The following TMEM163 variants were observed in gnomAD, a reference collection of about 807,000 sequenced individuals.
TMEM163 encodes the protein transmembrane protein 163.
A neutral mutation model predicts 29.3 loss-of-function variants in TMEM163; 17 were observed. That is an observed-to-expected ratio of 0.58 (90% CI 0.40 to 0.87). The LOEUF (loss-of-function observed/expected upper bound fraction) is 0.87, where lower values mean the gene tolerates loss of function less well. Ranked by LOEUF, TMEM163 falls within the 40% of genes least tolerant of loss-of-function variation. TMEM163 has a pLI of 0.00. For missense variants in TMEM163, 303 were observed against 381.5 expected (o/e 0.79, Z 1.71); for synonymous variants, 157 against 160.6 (o/e 0.98, Z 0.17).
At chr2:134,490,597 G>T (rs1022043939) in intron 5 of TMEM163, among the ~76,000 whole-genome samples, 1 of 152,146 alleles carries the variant, frequency 6.6e-6, no homozygotes, top group African/African-American at 2.4e-5. Flanking sequence ...TTACTGAAAG[G>T]TTAAGAATTT....
chr2:134,581,346 A>T (rs995035148), intron 2 of TMEM163, among the ~76,000 whole-genome samples: 2 of 152,212 alleles, frequency 1.3e-5, no homozygotes, highest in African/African-American at 4.8e-5. Flanking sequence ...TAACACAGAA[A>T]CAATTTTCAC....
chr2:134,709,723 C>T (rs1198003132), intron 2 of TMEM163, among the ~76,000 whole-genome samples: 4 of 152,188 alleles, frequency 2.6e-5, no homozygotes, highest in Admixed American at 1.3e-4. Context: ...TGTTTCCAGC[C>T]GTGATGGGAA....
chr2:134,610,496 G>T (rs1227167058), intron 2 of TMEM163, among the ~76,000 whole-genome samples: 1 of 152,188 alleles, frequency 6.6e-6, no homozygotes, highest in East Asian at 1.9e-4. Context: ...AGTCCCGGTG[G>T]ATTCCCAAGT....
At chr2:134,488,157 C>A (rs572267570) in intron 5 of TMEM163, among the ~76,000 whole-genome samples, 1 of 152,290 alleles carries the variant, frequency 6.6e-6, no homozygotes, top group Admixed American at 6.5e-5. Context: ...TATTGAGTGC[C>A]AACTTGATTA....
chr2:134,597,791 A>C (rs549967133), intron 2 of TMEM163, among the ~76,000 whole-genome samples: 1 of 152,070 alleles, frequency 6.6e-6, no homozygotes, highest in African/African-American at 2.4e-5. Flanking sequence ...TCAATTTCAG[A>C]GCCTGTTATT....
chr2:134,630,370 A>AT (rs2104831519), intron 2 of TMEM163, among the ~76,000 whole-genome samples: 1 of 151,226 alleles, frequency 6.6e-6, no homozygotes, highest in African/African-American at 2.4e-5. Flanking sequence ...GAAAAAAAAA[A>AT]ACTCTAAATA....
chr2:134,716,582 A>G (rs78194199), intron 1 of TMEM163, among the ~76,000 whole-genome samples: 1,701 of 152,294 alleles, frequency 0.011, 42 homozygotes, highest in African/African-American at 0.039. Context: ...GCCTGAAAGA[A>G]AGCAAGCCAG....
chr2:134,576,946 G>A (rs1327826854), intron 2 of TMEM163, among the ~76,000 whole-genome samples: 2 of 152,184 alleles, frequency 1.3e-5, no homozygotes, highest in South Asian at 2.1e-4. Flanking sequence ...CCTCATAAAC[G>A]CCTTTATGCA....
In TMEM163 at chr2:134,718,591, C is replaced by T. The variant is rs544825199; in HGVS notation, c.202+143G>A. The stretch of plus-strand genomic sequence containing the variant: ...AGGTGGGGCTGCCGCTCTCGGCTAG[C>T]GGCGTTCTCGCCGGGAAGTCGGGGC... On this transcript the variant is annotated intron_variant, in intron 1 of 7. Coordinates refer to ENST00000281924, the MANE Select transcript of TMEM163 (RefSeq NM_030923.5). 717 of 527,098 alleles carry T rather than the reference C, an allele frequency of 1.4e-3. 9 individuals are homozygous for T. The African/African-American group carries it at 0.014, about 10-fold the overall frequency. The allele number at this position is 527,098 out of a possible 1,614,324, so 32.7% of individuals were successfully genotyped here.
Position 134,457,930 on chromosome 2 carries a change from AAT to A in TMEM163, c.809+100_809+101del, listed in dbSNP as rs1686437463. On this transcript the variant is annotated intron_variant, in intron 7 of 7. Coordinates refer to ENST00000281924, the MANE Select transcript of TMEM163 (RefSeq NM_030923.5). Reference sequence around the variant, plus strand: ...AGGCTCAGGAGGGGCACAGGTACAAAATATGACCTTCAGAAGCCTGTCATTTC... The same window carrying A: ...AGGCTCAGGAGGGGCACAGGTACAAAATGACCTTCAGAAGCCTGTCATTTC... The A allele has an allele frequency of 1.9e-6, 3 of 1,565,092 alleles. No individual in the cohort carries two copies. The Admixed American group carries it at 5.3e-5, about 28-fold the overall frequency.
intron 2 of TMEM163, among the ~76,000 whole-genome samples, chr2:134,643,058 C>G (rs1288805627): frequency 6.6e-6 from 1 of 151,624 alleles, no homozygotes; most frequent in Non-Finnish European, 1.5e-5. Context: ...ATAAATGAAA[C>G]AAAAAGCTGA....
intron 2 of TMEM163, among the ~76,000 whole-genome samples, chr2:134,629,595 T>G (rs1217119248): frequency 6.6e-6 from 1 of 152,172 alleles, no homozygotes; most frequent in Non-Finnish European, 1.5e-5. Flanking sequence ...TATCTTCAAT[T>G]TAAACTTCAT....
intron 5 of TMEM163, 24 bp from the exon 6 acceptor site, chr2:134,466,249 C>T: frequency 1.3e-6 from 2 of 1,586,652 alleles, no homozygotes; most frequent in South Asian, 2.3e-5. Context: ...TTCCAGATTT[C>T]AACAGTTCAC....
At chr2:134,572,400 T>G (rs1290070659) in intron 2 of TMEM163, among the ~76,000 whole-genome samples, 2 of 152,232 alleles carry the variant, frequency 1.3e-5, no homozygotes, top group African/African-American at 4.8e-5. Context: ...TGGAATATAA[T>G]TTTTAATATT....
Position 134,460,799 on chromosome 2 carries a change from G to C in TMEM163, c.668-2626C>G, listed in dbSNP as rs1035160299. On this transcript the variant is annotated intron_variant, in intron 6 of 7. Coordinates refer to ENST00000281924, the MANE Select transcript of TMEM163 (RefSeq NM_030923.5). This position sits in a 1 kb window ranked among gnomAD's most constrained non-coding sequence, Gnocchi z 4.3. ...CTATTCCTGACAGCAGGTCCACCAG[G>C]TGTTCCCCGACACCCCACAGCTGAG... Among the ~76,000 whole-genome samples, 1 of 152,210 alleles carries C rather than the reference G, an allele frequency of 6.6e-6. No individual in the cohort carries two copies. The highest frequency in any genetic ancestry group is 2.4e-5 in the African/African-American group (1 of 41,452).
chr2:134,662,888 G>C (rs1683786895), intron 2 of TMEM163, among the ~76,000 whole-genome samples: 1 of 152,130 alleles, frequency 6.6e-6, no homozygotes, highest in African/African-American at 2.4e-5. Flanking sequence ...TGTTTCTCTG[G>C]GAACCAAGCA....
chr2:134,641,292 A>G (rs925067374), intron 2 of TMEM163, among the ~76,000 whole-genome samples: 1 of 152,216 alleles, frequency 6.6e-6, no homozygotes, highest in African/African-American at 2.4e-5. Flanking sequence ...CGACTGTAAG[A>G]AAAAATGGAC....
At chr2:134,699,513 A>G (rs1442732184) in intron 2 of TMEM163, among the ~76,000 whole-genome samples, 1 of 152,208 alleles carries the variant, frequency 6.6e-6, no homozygotes, top group Non-Finnish European at 1.5e-5. Context: ...CAAAAAAAAA[A>G]AAAATGTTGT....
chr2:134,517,487 G>C (rs530846186), intron 4 of TMEM163, among the ~76,000 whole-genome samples: 11 of 152,286 alleles, frequency 7.2e-5, no homozygotes, highest in South Asian at 6.2e-4. Context: ...AGACAAGCCG[G>C]AATTTTCTTT....
Sources: allele counts gnomAD v4.1 joint callset (sites outside exome capture counted in the v4.1 genomes callset), GRCh38; gene constraint gnomAD v4.1.1; non-coding constraint Gnocchi (gnomAD v3.1); transcripts MANE v1.5; gene names NCBI Gene and HGNC (gene_info 2026-07-23, HGNC 2026-07-21).